CSMD2: variants seen among roughly 807,000 people sequenced by gnomAD.
CSMD2 encodes CUB and sushi domain-containing protein 2.
In CSMD2, 130 loss-of-function variants were observed where a neutral mutation model predicts 398.5. That is an observed-to-expected ratio of 0.33 (90% CI 0.28 to 0.38). The LOEUF (loss-of-function observed/expected upper bound fraction) is 0.38, where lower values mean the gene tolerates loss of function less well. Among genes scored for constraint, CSMD2 ranks in the 10% least tolerant of loss-of-function variants. CSMD2 has a pLI of 1.00. For missense variants in CSMD2, 3,829 were observed against 4,764.9 expected, an observed-to-expected ratio of 0.80 and a Z score of 5.78; for synonymous variants, 1,828 against 1,908.5, an observed-to-expected ratio of 0.96 and a Z score of 1.10.
Position 33,792,409 on chromosome 1 carries a change from C to T in CSMD2, c.1550+14G>A, listed in dbSNP as rs757882801. On this transcript the variant is annotated intron_variant, in intron 11 of 70. Coordinates refer to ENST00000373381, the MANE Select transcript of CSMD2 (RefSeq NM_001281956.2). ...CCGTCCCACCTTCCAAACAACATGC[C>T]CCACTGCACTTACATGTAGAGAACT... 4.4e-6 allele frequency: 7 copies of T among 1,594,702 alleles called. No homozygotes were observed. Among genetic ancestry groups the T allele is most frequent in the Non-Finnish European group, 6.0e-6 (7 of 1,162,256 alleles).
chr1:33,567,595 A>C lies in CSMD2; in HGVS notation c.8378T>G (p.Val2793Gly), dbSNP rs771472015. 18 of 1,614,096 alleles carry C rather than the reference A, an allele frequency of 1.1e-5. No homozygotes were observed. The South Asian group carries it at 2.0e-4, about 18-fold the overall frequency. ...HHWSGKTPFC[V>G]PITCGHPGNP... ...GGGAGAGTGGATGACATACTTACGC[A>C]CACAGAAAGGGGTCTTGCCCGACCA... The change falls in exon 53 of 71, where the codon GTG becomes GGG. Residue 2793 changes from valine (V) to glycine (G), a missense_variant and splice_region_variant. Coordinates refer to ENST00000373381, the MANE Select transcript of CSMD2 (RefSeq NM_001281956.2).
intron 64 of CSMD2, among the ~76,000 whole-genome samples, chr1:33,531,925 T>C (rs971108002): frequency 1.3e-5 from 2 of 152,226 alleles, no homozygotes; most frequent in African/African-American, 4.8e-5. Flanking sequence ...TAAACATAAC[T>C]AATGCCACTG....
chr1:33,948,702 G>C (rs1644913450), intron 3 of CSMD2, among the ~76,000 whole-genome samples: 2 of 152,284 alleles, frequency 1.3e-5, no homozygotes, highest in South Asian at 4.1e-4. Flanking sequence ...TATACAACCA[G>C]AACAGCCCTC....
Position 34,089,090 on chromosome 1 carries a change from G to A in CSMD2, c.291C>T (p.Thr97=), listed in dbSNP as rs377293906. 1.4e-5 allele frequency: 22 copies of A among 1,614,046 alleles called. No individual in the cohort carries two copies. The highest frequency in any genetic ancestry group is 1.0e-4 in the Admixed American group (6 of 60,004). ...PNYANCTWTI[T]AEEQHRIQLV... ...GCTGGATTCTGTGCTGCTCTTCCGC[G>A]GTGATGGTCCACGTGCAGTTGGCGT... The change falls in exon 2 of 71, where the codon ACC becomes ACT. Residue 97 remains threonine (T), a synonymous_variant. Coordinates refer to ENST00000373381, the MANE Select transcript of CSMD2 (RefSeq NM_001281956.2).
intron 19 of CSMD2, among the ~76,000 whole-genome samples, chr1:33,718,648 C>T (rs1464230821): frequency 6.6e-6 from 1 of 152,194 alleles, no homozygotes; most frequent in Admixed American, 6.5e-5. Context: ...TCTTTGGCCT[C>T]CACTGAAGAC....
chr1:33,570,166 C>CTTTTTTTTTTTTTT (rs5773416), intron 51 of CSMD2, among the ~76,000 whole-genome samples: 3 of 117,294 alleles, frequency 2.6e-5, no homozygotes, highest in Non-Finnish European at 5.3e-5. Flanking sequence ...CGGACATTGG[C>CTTTTTTTTTTTTTT]TTTTTTTTTT....
chr1:33,935,199 A>C (rs1644436987), intron 4 of CSMD2, among the ~76,000 whole-genome samples: 1 of 152,096 alleles, frequency 6.6e-6, no homozygotes, highest in Non-Finnish European at 1.5e-5. Context: ...GTCTTGGGCA[A>C]ATATGAACAA....
rs149848489 is a variant in CSMD2 at position 33,624,545 on chromosome 1, C to T, written c.5599G>A (p.Val1867Met). Reference protein sequence around the residue: ...LNSLNCVWKIVVPEGAGIQIQ... With the variant: ...LNSLNCVWKIMVPEGAGIQIQ... ...TGGATGCCAGCGCCTTCGGGGACCA[C>T]GATCTTCCACACACAGTTGAGGCTG... The change falls in exon 35 of 71, where the codon GTG becomes ATG. Residue 1867 changes from valine (V) to methionine (M), a missense_variant. By Grantham distance (21) the Val-to-Met change is conservative. This residue lies in a region of CSMD2 where 2,001 missense variants were observed against 2,567.1 expected (regional missense o/e 0.78). Coordinates refer to ENST00000373381, the MANE Select transcript of CSMD2 (RefSeq NM_001281956.2). The surrounding 1 kb of genome is among the most constrained non-coding windows in gnomAD (Gnocchi z 4.7). 824 of 1,613,790 alleles carry T rather than the reference C, an allele frequency of 5.1e-4. No individual in the cohort carries two copies. Among genetic ancestry groups the T allele is most frequent in the Non-Finnish European group, 6.7e-4 (785 of 1,179,896 alleles).
intron 1 of CSMD2, among the ~76,000 whole-genome samples, chr1:34,144,562 ACTT>A (rs1408910419): frequency 2.6e-5 from 4 of 152,220 alleles, no homozygotes; most frequent in Admixed American, 6.5e-5. Context: ...TGAGTGGGTA[ACTT>A]CTTCAATTCA....
rs1201440395 is a variant in CSMD2 at position 33,514,345 on chromosome 1, G to C, written c.*2279C>G. On this transcript the variant is annotated 3_prime_UTR_variant, in exon 71 of 71. Transcript: ENST00000373381. ...AATAAAAATATATCTCTGTACAAAA[G>C]ATTTTTTTTGTCTTTGTTTTACTTT... 1 of 148,482 alleles carries C rather than the reference G, an allele frequency of 6.7e-6. No homozygotes were observed. Among genetic ancestry groups the C allele is most frequent in the Admixed American group, 6.7e-5 (1 of 14,898 alleles). The allele number at this position is 148,482 out of a possible 1,614,324, so 9.2% of individuals were successfully genotyped here. A position where few individuals can be genotyped will look rare whatever the true frequency, so the allele number is the denominator to read the frequency against.
At chr1:33,550,505 T>C (rs1039658352) in intron 55 of CSMD2, among the ~76,000 whole-genome samples, 155 bp from the exon 56 acceptor site, 2 of 152,246 alleles carry the variant, frequency 1.3e-5, no homozygotes, top group African/African-American at 2.4e-5. Context: ...CCACCTGGCG[T>C]TGGCAGACAA....
At chr1:33,576,349 G>A (rs1158137207) in intron 49 of CSMD2, among the ~76,000 whole-genome samples, 1 of 152,172 alleles carries the variant, frequency 6.6e-6, no homozygotes, top group Non-Finnish European at 1.5e-5. Context: ...ACAGCACTCT[G>A]GGAGACCGAG....
chr1:33,915,165 C>A (rs1643659152), intron 5 of CSMD2, among the ~76,000 whole-genome samples: 1 of 152,094 alleles, frequency 6.6e-6, no homozygotes, highest in Non-Finnish European at 1.5e-5. Context: ...GCCCAGTTGT[C>A]CAAATCCATC....
At chr1:34,091,468 A>G (rs549642391) in intron 1 of CSMD2, among the ~76,000 whole-genome samples, 1 of 152,302 alleles carries the variant, frequency 6.6e-6, no homozygotes, top group South Asian at 2.1e-4. Context: ...CTGTTACACA[A>G]AGGTGGGATT....
intron 66 of CSMD2, among the ~76,000 whole-genome samples, chr1:33,524,600 A>G (rs1308340715): frequency 2.0e-5 from 3 of 152,142 alleles, no homozygotes; most frequent in Admixed American, 1.3e-4. Flanking sequence ...GATCCTGGGA[A>G]GTCTCTGCCC....
At chr1:33,938,299 G>A (rs1644543094) in intron 3 of CSMD2, among the ~76,000 whole-genome samples, 1 of 152,084 alleles carries the variant, frequency 6.6e-6, no homozygotes. Flanking sequence ...GGCTTACTTA[G>A]CATTTATCAT....
chr1:33,880,914 C>T (rs916544404), intron 5 of CSMD2, among the ~76,000 whole-genome samples: 1 of 152,196 alleles, frequency 6.6e-6, no homozygotes, highest in Admixed American at 6.5e-5. Context: ...GATTTTCCCC[C>T]ATTCACCCTG....
At chr1:33,841,758 A>G (rs1464196345) in intron 6 of CSMD2, among the ~76,000 whole-genome samples, 2 of 152,226 alleles carry the variant, frequency 1.3e-5, no homozygotes, top group Non-Finnish European at 2.9e-5. Flanking sequence ...TACTTCAAAG[A>G]GAAACTGCTC....
chr1:33,836,789 T>A (rs1660324369), intron 6 of CSMD2, among the ~76,000 whole-genome samples: 18 of 152,172 alleles, frequency 1.2e-4, no homozygotes. Context: ...GGAAAGCGAA[T>A]TCCCCAACCC....
Sources: allele counts gnomAD v4.1 joint callset (sites outside exome capture counted in the v4.1 genomes callset), GRCh38; gene constraint gnomAD v4.1.1; regional missense constraint gnomAD v4.1.1; non-coding constraint Gnocchi (gnomAD v3.1); transcripts MANE v1.5; gene names NCBI Gene and HGNC (gene_info 2026-07-23, HGNC 2026-07-21).